Variants in TUSC7 observed in about 807,000 individuals in gnomAD.
TUSC7 encodes LSAMP antisense RNA 3.
intron 1 of TUSC7, chr3:116,712,809 A>T (rs934031937): frequency 6.6e-6 from 1 of 152,162 alleles, no homozygotes; most frequent in Non-Finnish European, 1.5e-5. Context: ...AAAGAGTTGC[A>T]TCTCATGCTT....
intron 1 of TUSC7, among the ~76,000 whole-genome samples, chr3:116,711,774 C>T (rs532095860): frequency 6.6e-6 from 1 of 152,162 alleles, no homozygotes; most frequent in Non-Finnish European, 1.5e-5. Flanking sequence ...CATGAAATAT[C>T]TATATTCAGC....
At chr3:116,709,846 A>G (rs1282838466) in exon 1 of TUSC7, 1 of 152,122 alleles carries the variant, frequency 6.6e-6, no homozygotes, top group East Asian at 1.9e-4. Flanking sequence ...ATTATTCCAG[A>G]CTTAAGACAT....
chr3:116,714,611 G>A (rs549186510), intron 1 of TUSC7, among the ~76,000 whole-genome samples: 2 of 152,142 alleles, frequency 1.3e-5, no homozygotes, highest in African/African-American at 4.8e-5. Flanking sequence ...AAGACCTGTA[G>A]GGTATTTTTA....
intron 1 of TUSC7, among the ~76,000 whole-genome samples, chr3:116,711,308 T>G (rs1040389571): frequency 3.9e-5 from 6 of 152,162 alleles, no homozygotes; most frequent in Non-Finnish European, 7.4e-5. Context: ...TCATCCTCCT[T>G]ACAGCACAAA....
At chr3:116,714,413 G>A (rs2051488006) in intron 1 of TUSC7, among the ~76,000 whole-genome samples, 1 of 152,160 alleles carries the variant, frequency 6.6e-6, no homozygotes, top group African/African-American at 2.4e-5. Context: ...TTAGATATCT[G>A]CAAGTTTTTG....
Position 116,709,863 on chromosome 3 carries a change from A to G in TUSC7, n.85A>G, listed in dbSNP as rs1276037108. ...TATTCCAGACTTAAGACATGGAGAT[A>G]TATCTTGCTAGAGGTAGGAAGATGA... On this transcript the variant is annotated non_coding_transcript_exon_variant, in exon 1 of 3. Coordinates refer to ENST00000477805, the Ensembl canonical transcript of TUSC7. 5 of 152,126 alleles carry G rather than the reference A, an allele frequency of 3.3e-5. No homozygotes were observed. The East Asian group carries it at 5.8e-4, about 18-fold the overall frequency. The allele number at this position is 152,126 out of a possible 1,614,324, so 9.4% of individuals were successfully genotyped here. A position where few individuals can be genotyped will look rare whatever the true frequency, so the allele number is the denominator to read the frequency against.
rs1576301961 is a variant in TUSC7 at position 116,714,603 on chromosome 3, GACCTGTA to G, written n.99-3157_99-3151del. The stretch of plus-strand genomic sequence containing the variant: ...CCATGGACTACATTTCAAATAGCAA[GACCTGTA>G]GGGTATTTTTATTCCAACTGTATGA... On this transcript the variant is annotated intron_variant and non_coding_transcript_variant, in intron 1 of 2. Coordinates refer to ENST00000477805, the Ensembl canonical transcript of TUSC7. Among the ~76,000 whole-genome samples, 3 of 152,264 alleles carry G rather than the reference GACCTGTA, an allele frequency of 2.0e-5. No individual in the cohort carries two copies. The East Asian group carries it at 5.8e-4, about 29-fold the overall frequency.
At chr3:116,712,811 C>G (rs1274711067) in intron 1 of TUSC7, 1 of 152,008 alleles carries the variant, frequency 6.6e-6, no homozygotes, top group African/African-American at 2.4e-5. Flanking sequence ...AGAGTTGCAT[C>G]TCATGCTTTT....
intron 1 of TUSC7, among the ~76,000 whole-genome samples, chr3:116,711,054 C>T (rs996697221): frequency 2.0e-5 from 3 of 152,080 alleles, no homozygotes; most frequent in African/African-American, 7.2e-5. Context: ...TTTACTTTCC[C>T]ATCTTCAAAA....
At chr3:116,713,514 T>C (rs2051479681) in intron 1 of TUSC7, among the ~76,000 whole-genome samples, 1 of 152,186 alleles carries the variant, frequency 6.6e-6, no homozygotes, top group Non-Finnish European at 1.5e-5. Flanking sequence ...CCTATCATTA[T>C]GCTAAGTATT....
intron 1 of TUSC7, among the ~76,000 whole-genome samples, chr3:116,713,175 G>A (rs1326728771): frequency 6.6e-6 from 1 of 152,122 alleles, no homozygotes; most frequent in African/African-American, 2.4e-5. Flanking sequence ...CCACCTCACT[G>A]TACCCATTGT....
At chr3:116,714,828 T>C (rs1314555030) in intron 1 of TUSC7, among the ~76,000 whole-genome samples, 1 of 152,194 alleles carries the variant, frequency 6.6e-6, no homozygotes, top group Non-Finnish European at 1.5e-5. Flanking sequence ...TGAACCTGCA[T>C]TGACATATAA....
At chr3:116,714,977 T>G (rs1374350712) in intron 1 of TUSC7, among the ~76,000 whole-genome samples, 8 of 152,230 alleles carry the variant, frequency 5.3e-5, no homozygotes, top group African/African-American at 1.9e-4. Context: ...AAATCCTCTG[T>G]GTTCTGCATA....
chr3:116,716,889 G>A (rs967962901), intron 1 of TUSC7: 1 of 152,070 alleles, frequency 6.6e-6, no homozygotes, highest in Non-Finnish European at 1.5e-5. Context: ...TTTAATCCTT[G>A]AGTATATTTA....
At chr3:116,710,717 A>G (rs995532223) in intron 1 of TUSC7, among the ~76,000 whole-genome samples, 3 of 152,140 alleles carry the variant, frequency 2.0e-5, no homozygotes, top group Non-Finnish European at 4.4e-5. Context: ...ATCTTTTCCA[A>G]ACTAATGGTT....
At chr3:116,717,028 G>A (rs1458838147) in intron 1 of TUSC7, 1 of 152,090 alleles carries the variant, frequency 6.6e-6, no homozygotes, top group South Asian at 2.1e-4. Flanking sequence ...GATGACTATT[G>A]TGTACTCACG....
chr3:116,712,742 G>A (rs1417279584), intron 1 of TUSC7: 4 of 152,066 alleles, frequency 2.6e-5, no homozygotes, highest in African/African-American at 9.7e-5. Flanking sequence ...GTTGGGGGTG[G>A]GGGCGTTTTC....
chr3:116,712,985 T>C (rs1049885210), intron 1 of TUSC7: 1 of 152,214 alleles, frequency 6.6e-6, no homozygotes, highest in South Asian at 2.1e-4. Context: ...TATGTCATTA[T>C]GAGTTCATTT....
intron 1 of TUSC7, chr3:116,716,427 G>C (rs949576197): frequency 6.6e-6 from 1 of 152,118 alleles, no homozygotes; most frequent in Non-Finnish European, 1.5e-5. Flanking sequence ...GGAAACATGA[G>C]GCCTATTTCT....
Sources: allele counts gnomAD v4.1 joint callset (sites outside exome capture counted in the v4.1 genomes callset), GRCh38; gene constraint gnomAD v4.1.1; transcripts MANE v1.5; gene names NCBI Gene and HGNC (gene_info 2026-07-23, HGNC 2026-07-21).